The following LHCGR variants were observed in gnomAD, a reference collection of about 807,000 sequenced individuals.
LHCGR encodes lutropin-choriogonadotropic hormone receptor.
A neutral mutation model predicts 60.7 loss-of-function variants in LHCGR; 55 were observed. The observed-to-expected ratio is 0.91, with a 90% CI of 0.73 to 1.13. The LOEUF (loss-of-function observed/expected upper bound fraction) is 1.13. LHCGR is among the 50% of genes most tolerant of loss of function. The probability of loss-of-function intolerance (pLI) is 0.00; values close to 1 mark genes in which losing one functional copy is unlikely to be tolerated. For missense variants in LHCGR, 862 were observed against 836.0 expected (o/e 1.03, Z -0.38); for synonymous variants, 337 against 316.5 (o/e 1.06, Z -0.69).
In LHCGR at chr2:48,688,122, T is replaced by C. The variant is rs1197822541; in HGVS notation, c.1675A>G (p.Met559Val). 1.2e-6 allele frequency: 2 copies of C among 1,614,052 alleles called. No homozygotes were observed. Among genetic ancestry groups the C allele is most frequent in the East Asian group, 2.2e-5 (1 of 44,880 alleles). ...IYFAVRNPEL[M>V]ATNKDTKIAK... is the part of the protein sequence containing the mutation. ...ATCTTTGTATCTTTATTGGTAGCCA[T>C]TAATTCTGGGTTTCGAACTGCAAAA... is the stretch of plus-strand genomic sequence containing the variant. The change falls in exon 11 of 11, where the codon ATG becomes GTG. Residue 559 changes from methionine to valine, a missense_variant. Met to Val is a conservative substitution (Grantham distance 21). Coordinates refer to ENST00000294954, the MANE Select transcript of LHCGR (RefSeq NM_000233.4). The surrounding 1 kb of genome is among the most constrained non-coding windows in gnomAD (Gnocchi z 5.2).
chr2:48,730,961 T>TC (rs1258839060), intron 2 of LHCGR, among the ~76,000 whole-genome samples: 1 of 152,172 alleles, frequency 6.6e-6, no homozygotes, highest in Non-Finnish European at 1.5e-5. Flanking sequence ...TATCTTTTTT[T>TC]CTCCTTAAAA....
Position 48,706,906 on chromosome 2 carries a change from T to A in LHCGR, c.680+2042A>T, listed in dbSNP as rs529966756. Among the ~76,000 whole-genome samples the A allele has an allele frequency of 3.5e-4, 53 of 152,308 alleles. No homozygotes were observed. In the East Asian group the frequency reaches 0.01, roughly 29 times the overall value. ...GCCTACTTCTGTCAGCTCATCAAAC[T>A]CATTCTCCGACCAGTTTTGTTCCCT... On this transcript the variant is annotated intron_variant, in intron 8 of 10. Transcript: ENST00000294954.
intron 4 of LHCGR, among the ~76,000 whole-genome samples, 198 bp from the exon 5 acceptor site, chr2:48,723,894 G>A (rs975627996): frequency 6.6e-6 from 1 of 152,222 alleles, no homozygotes; most frequent in Non-Finnish European, 1.5e-5. Flanking sequence ...CCCTCATGCT[G>A]TGGGAGAAGA....
chr2:48,701,141 A>G (rs757731816), intron 8 of LHCGR, among the ~76,000 whole-genome samples: 5 of 152,122 alleles, frequency 3.3e-5, no homozygotes, highest in Non-Finnish European at 7.4e-5. Context: ...GAGGGGCAGG[A>G]GCTAGGAAGT....
intron 1 of LHCGR, among the ~76,000 whole-genome samples, chr2:48,747,224 G>A (rs1669748883): frequency 6.6e-6 from 1 of 152,008 alleles, no homozygotes; most frequent in South Asian, 2.1e-4. Context: ...AAGTAGCTGG[G>A]ACTACAGGCA....
intron 10 of LHCGR, among the ~76,000 whole-genome samples, chr2:48,691,046 C>A (rs1230602104): frequency 1.3e-5 from 2 of 152,164 alleles, no homozygotes; most frequent in Non-Finnish European, 2.9e-5. Context: ...TTTGTTTTTA[C>A]CCATCTTCTG....
intron 1 of LHCGR, chr2:48,732,808 A>G (rs1669055540): frequency 1.9e-6 from 1 of 527,488 alleles, no homozygotes; most frequent in Non-Finnish European, 3.9e-6. Flanking sequence ...TCATTTCAGA[A>G]AAATATTTTC....
rs1447950377 is a variant in LHCGR at position 48,723,451 on chromosome 2, C to A, written c.536+5G>T. 1 of 1,596,770 alleles carries A rather than the reference C, an allele frequency of 6.3e-7. No individual in the cohort carries two copies. Among genetic ancestry groups the A allele is most frequent in the Non-Finnish European group, 8.6e-7 (1 of 1,164,394 alleles). ...GGCAGAACACAAATCTGGGAGTTTA[C>A]TCACAGTGTTACAGATTCATTATTC... On this transcript the variant is annotated splice_donor_5th_base_variant and intron_variant, in intron 6 of 10. Coordinates refer to ENST00000294954, the MANE Select transcript of LHCGR (RefSeq NM_000233.4).
intron 1 of LHCGR, among the ~76,000 whole-genome samples, chr2:48,753,147 C>T (rs546055155): frequency 1.3e-5 from 2 of 152,112 alleles, no homozygotes; most frequent in Non-Finnish European, 2.9e-5. Flanking sequence ...CCTGCTGGAC[C>T]CCACCCCTGG....
At chr2:48,737,215 ATTGAT>A (rs1480487060) in intron 1 of LHCGR, among the ~76,000 whole-genome samples, 1 of 152,224 alleles carries the variant, frequency 6.6e-6, no homozygotes, top group Non-Finnish European at 1.5e-5. Flanking sequence ...CAACTATATT[ATTGAT>A]TTAAGAAAGC....
chr2:48,727,831 G>A (rs529241114), intron 3 of LHCGR, among the ~76,000 whole-genome samples: 80 of 152,310 alleles, frequency 5.3e-4, no homozygotes, highest in African/African-American at 1.9e-3. Flanking sequence ...CCCTGTATTG[G>A]ACACATGGTA....
At chr2:48,693,737 T>TC (rs1666975216) in intron 10 of LHCGR, among the ~76,000 whole-genome samples, 1 of 152,222 alleles carries the variant, frequency 6.6e-6, no homozygotes, top group Non-Finnish European at 1.5e-5. Flanking sequence ...AGATGTAGCT[T>TC]CCATCCAGTG....
intron 8 of LHCGR, 47 bp downstream of exon 8, chr2:48,708,901 G>A (rs748387056): frequency 7.0e-7 from 1 of 1,437,326 alleles, no homozygotes; most frequent in Non-Finnish European, 9.8e-7. Flanking sequence ...AAGCAGTCCT[G>A]TTGGGGTACA....
intron 8 of LHCGR, chr2:48,708,697 C>G: frequency 1.7e-6 from 1 of 582,992 alleles, no homozygotes; most frequent in Non-Finnish European, 3.1e-6. Flanking sequence ...AGGGAGCCAA[C>G]CCCTGCTGAC....
chr2:48,748,353 G>A (rs4075876), intron 1 of LHCGR, among the ~76,000 whole-genome samples: 1 of 151,948 alleles, frequency 6.6e-6, no homozygotes, highest in Non-Finnish European at 1.5e-5. Context: ...ATGGGGAAAG[G>A]GGGGAGGAAA....
At chr2:48,731,122 C>A in intron 2 of LHCGR, 105 bp downstream of exon 2, 2 of 753,534 alleles carry the variant, frequency 2.7e-6, no homozygotes, top group Non-Finnish European at 4.6e-6. Context: ...ATCCTAAACA[C>A]AATTTCTTTC....
chr2:48,725,722 A>G lies in LHCGR; in HGVS notation c.337T>C (p.Tyr113His), dbSNP rs140691492. 2.2e-5 allele frequency: 36 copies of G among 1,613,308 alleles called. No individual in the cohort carries two copies. Among genetic ancestry groups the G allele is most frequent in the Non-Finnish European group, 2.7e-5 (32 of 1,179,502 alleles). ...ILIQNTKNLR[Y>H]IEPGAFINLP... The stretch of plus-strand genomic sequence containing the variant: ...TTTATAAATGCTCCGGGCTCAATGT[A>G]TCTCAGATTTTTGGTGTTCTGGATC... The change falls in exon 4 of 11, where the codon TAC becomes CAC. Residue 113 changes from tyrosine to histidine, a missense_variant. By Grantham distance (83) the Tyr-to-His change is moderately conservative. Transcript: ENST00000294954.
At chr2:48,733,336 C>G (rs1019877996) in intron 1 of LHCGR, among the ~76,000 whole-genome samples, 18 of 152,168 alleles carry the variant, frequency 1.2e-4, no homozygotes, top group African/African-American at 4.1e-4. Context: ...CCCAGAGGAG[C>G]AGTTTGGTTC....
chr2:48,707,971 C>A (rs1343711267), intron 8 of LHCGR, among the ~76,000 whole-genome samples: 1 of 152,188 alleles, frequency 6.6e-6, no homozygotes, highest in Non-Finnish European at 1.5e-5. Context: ...CCCTGGACCC[C>A]TTGTGCTCCC....
Sources: allele counts gnomAD v4.1 joint callset (sites outside exome capture counted in the v4.1 genomes callset), GRCh38; gene constraint gnomAD v4.1.1; non-coding constraint Gnocchi (gnomAD v3.1); transcripts MANE v1.5; gene names NCBI Gene and HGNC (gene_info 2026-07-23, HGNC 2026-07-21).